The following MYO1B variants were observed in gnomAD, a reference collection of about 807,000 sequenced individuals.
MYO1B encodes myosin IB.
In MYO1B, 72 loss-of-function variants were observed where a neutral mutation model predicts 159.7. The observed-to-expected ratio is 0.45, with a 90% confidence interval of 0.37 to 0.55. MYO1B has a LOEUF of 0.55. MYO1B is among the 20% of genes least tolerant of loss of function. The pLI is 0.00. For synonymous variants in MYO1B, 468 were observed against 473.8 expected, an observed-to-expected ratio of 0.99 and a Z score of 0.16; for missense variants, 1,062 against 1,364.8, an observed-to-expected ratio of 0.78 and a Z score of 3.50.
chr2:191,343,891 C>T (rs778737309), intron 5 of MYO1B, among the ~76,000 whole-genome samples: 3 of 152,064 alleles, frequency 2.0e-5, no homozygotes, highest in Admixed American at 6.5e-5. Context: ...TTAAAAAAAC[C>T]AATTGAGGAA....
chr2:191,395,074 A>G (rs765971221), intron 20 of MYO1B, among the ~76,000 whole-genome samples: 6 of 152,146 alleles, frequency 3.9e-5, no homozygotes, highest in Non-Finnish European at 7.4e-5. Context: ...GTTATTCCGT[A>G]TTTTGTAATA....
chr2:191,273,962 A>G (rs1365664679), intron 1 of MYO1B, among the ~76,000 whole-genome samples: 1 of 152,212 alleles, frequency 6.6e-6, no homozygotes, highest in Non-Finnish European at 1.5e-5. Context: ...TTTCATTGAC[A>G]TGTCAAAGTG....
In MYO1B at chr2:191,296,239, C is replaced by T. The variant is rs1688974867; in HGVS notation, c.251+13C>T. ...TGAGCCCTCACATGTAAGTACTGTA[C>T]TAAAGCATTAAGTTTCTCTTTTACT... On this transcript the variant is annotated intron_variant, in intron 3 of 30. Transcript: ENST00000392318. The T allele has an allele frequency of 3.3e-6, 5 of 1,497,786 alleles. No homozygotes were observed. The Admixed American group carries it at 9.1e-5, about 27-fold the overall frequency. The allele number at this position is 1,497,786 out of a possible 1,614,324, so 92.8% of individuals were successfully genotyped here.
intron 7 of MYO1B, among the ~76,000 whole-genome samples, chr2:191,350,891 G>A (rs1193934903): frequency 1.3e-5 from 2 of 152,020 alleles, no homozygotes; most frequent in Non-Finnish European, 2.9e-5. Context: ...GGGTGTATGA[G>A]TGCCACACGG....
chr2:191,381,314 C>T lies in MYO1B; in HGVS notation c.1186-148C>T, dbSNP rs375472785. The T allele has an allele frequency of 1.3e-5, 9 of 710,842 alleles. 1 individual carries two copies. The highest frequency in any genetic ancestry group is 2.6e-6 in the Non-Finnish European group (1 of 389,628). The allele number at this position is 710,842 out of a possible 1,614,324, so 44.0% of individuals were successfully genotyped here. ...TCCTCGAGTGCCTGCAATGGGCAAG[C>T]GTCTGTCCTAGGAGCCGTGTGCTGG... On this transcript the variant is annotated intron_variant, in intron 13 of 30. Coordinates refer to ENST00000392318, the MANE Select transcript of MYO1B (RefSeq NM_001130158.3).
At chr2:191,405,289 A>C (rs1057138557) in intron 24 of MYO1B, among the ~76,000 whole-genome samples, 1 of 152,156 alleles carries the variant, frequency 6.6e-6, no homozygotes, top group African/African-American at 2.4e-5. Flanking sequence ...TCTAGTTGTT[A>C]CTATATCTGC....
chr2:191,396,354 A>T (rs1190266126), intron 20 of MYO1B, 75 bp from the exon 21 acceptor site: 4 of 1,496,266 alleles, frequency 2.7e-6, no homozygotes, highest in Non-Finnish European at 3.7e-6. Flanking sequence ...AAGTGAGCAA[A>T]TACCCTTTCT....
Position 191,408,998 on chromosome 2 carries a change from T to C in MYO1B, c.2632-46T>C, listed in dbSNP as rs550110336. ...ATGATGTATGTAAAACAGTGTCTTT[T>C]GTGGTATATTTTCCTCATGTAGTAT... On this transcript the variant is annotated intron_variant, in intron 25 of 30. Coordinates refer to ENST00000392318, the MANE Select transcript of MYO1B (RefSeq NM_001130158.3). The C allele has an allele frequency of 3.2e-6, 5 of 1,566,624 alleles. No individual in the cohort carries two copies. The East Asian group carries it at 9.1e-5, about 28-fold the overall frequency.
chr2:191,278,657 A>G (rs1332210746), intron 2 of MYO1B, among the ~76,000 whole-genome samples: 1 of 152,258 alleles, frequency 6.6e-6, no homozygotes, highest in East Asian at 1.9e-4. Context: ...TAAAGTGCTG[A>G]TCCAAATGGA....
In MYO1B at chr2:191,332,354, G is replaced by T. The variant is rs1188039592; in HGVS notation, c.346+2325G>T. On this transcript the variant is annotated intron_variant, in intron 4 of 30. Transcript: ENST00000392318. Reference sequence around the variant, plus strand: ...CTTTAAACCAAGTAAGATATTATAGGATTTTTTTTTTTTTCACAGTAACTT... The same window carrying T: ...CTTTAAACCAAGTAAGATATTATAGTATTTTTTTTTTTTTCACAGTAACTT... 5.3e-5 allele frequency among the ~76,000 whole-genome samples: 8 copies of T among 150,272 alleles called. No individual in the cohort carries two copies. The South Asian group carries it at 6.3e-4, about 12-fold the overall frequency.
intron 1 of MYO1B, among the ~76,000 whole-genome samples, chr2:191,258,072 A>G (rs918436767): frequency 1.3e-4 from 20 of 152,244 alleles, no homozygotes; most frequent in African/African-American, 4.1e-4. Context: ...GTATCGCTTA[A>G]TGATGGGTAT....
rs373268338 is a variant in MYO1B, at chr2:191,294,515, C to T, written c.136-1596C>T. 4.6e-5 allele frequency among the ~76,000 whole-genome samples: 7 copies of T among 152,310 alleles called. No individual in the cohort carries two copies. The East Asian group carries it at 5.8e-4, about 13-fold the overall frequency. ...ATTCAGACAAGTATTCAGTGTCAGG[C>T]GTCTCCCATCTGATGTTTGCTTGTG... On this transcript the variant is annotated intron_variant, in intron 2 of 30. Coordinates refer to ENST00000392318, the MANE Select transcript of MYO1B (RefSeq NM_001130158.3).
At chr2:191,335,870 A>G (rs553085429) in intron 4 of MYO1B, among the ~76,000 whole-genome samples, 118 of 152,326 alleles carry the variant, frequency 7.7e-4, no homozygotes, top group Non-Finnish European at 1.4e-3. Context: ...GGAGTTATGT[A>G]ACATGGGCAC....
At position 191,363,711 on chromosome 2, in the gene MYO1B, T is replaced by G. The variant is rs1574513964; in HGVS notation, c.766-17T>G. The G allele has an allele frequency of 6.4e-7, 1 of 1,572,112 alleles. No homozygotes were observed. The highest frequency in any genetic ancestry group is 2.2e-5 in the East Asian group (1 of 44,654). ...ACTATAAGAAAAAAATAGTTGCTTT[T>G]TTTTTTCTCTCCCCAGAATGCCATG... is the stretch of plus-strand genomic sequence containing the variant. On this transcript the variant is annotated splice_polypyrimidine_tract_variant and intron_variant, in intron 9 of 30. Transcript: ENST00000392318.
At chr2:191,415,357 G>A (rs1386023313) in intron 29 of MYO1B, among the ~76,000 whole-genome samples, 1 of 152,150 alleles carries the variant, frequency 6.6e-6, no homozygotes, top group Non-Finnish European at 1.5e-5. Flanking sequence ...AGCTAATAAT[G>A]TTACTCTCTG....
intron 8 of MYO1B, among the ~76,000 whole-genome samples, 185 bp downstream of exon 8, chr2:191,360,914 T>C (rs1378829690): frequency 6.6e-6 from 1 of 152,216 alleles, no homozygotes; most frequent in East Asian, 1.9e-4. Context: ...ATTGTTTCTA[T>C]GTTTTAATTT....
At chr2:191,348,881 A>T (rs1692738602) in intron 6 of MYO1B, among the ~76,000 whole-genome samples, 1 of 152,138 alleles carries the variant, frequency 6.6e-6, no homozygotes, top group Non-Finnish European at 1.5e-5. Flanking sequence ...TCTCAAAGTA[A>T]TCATGTGCTC....
Position 191,319,278 on chromosome 2 carries a change from G to A in MYO1B, c.252-10657G>A, listed in dbSNP as rs1574417931. Among the ~76,000 whole-genome samples, 3 of 152,102 alleles carry A rather than the reference G, an allele frequency of 2.0e-5. No homozygotes were observed. The East Asian group carries it at 5.8e-4, about 29-fold the overall frequency. ...GAGTGGCAACCAGGACAGGGGTAAG[G>A]GAGGGAATGGGAGTGGAAACCATCT... On this transcript the variant is annotated intron_variant, in intron 3 of 30. Transcript: ENST00000392318.
chr2:191,300,339 A>ATT (rs35917445), intron 3 of MYO1B, among the ~76,000 whole-genome samples: 5 of 140,902 alleles, frequency 3.5e-5, no homozygotes, highest in East Asian at 4.1e-4. Context: ...TTACTTGTCA[A>ATT]TTTTTTTTTT....
Sources: allele counts gnomAD v4.1 joint callset (sites outside exome capture counted in the v4.1 genomes callset), GRCh38; gene constraint gnomAD v4.1.1; transcripts MANE v1.5; gene names NCBI Gene and HGNC (gene_info 2026-07-23, HGNC 2026-07-21).